Variants in SPATS2 observed in about 807,000 individuals in gnomAD.
SPATS2 encodes the protein spermatogenesis-associated serine-rich protein 2.
Under a neutral mutation model 63.7 loss-of-function variants are expected in SPATS2, and 38 were observed. That is an observed-to-expected ratio of 0.60 (90% CI 0.46 to 0.78). The LOEUF is 0.78. Among genes scored for constraint, SPATS2 ranks in the 30% least tolerant of loss-of-function variants. SPATS2 has a pLI of 0.00. For missense variants in SPATS2, 588 were observed against 666.2 expected, an observed-to-expected ratio of 0.88 and a Z score of 1.29; for synonymous variants, 207 against 232.9, an observed-to-expected ratio of 0.89 and a Z score of 1.01.
intron 2 of SPATS2, among the ~76,000 whole-genome samples, chr12:49,456,565 T>C (rs573403784): frequency 3.9e-5 from 6 of 152,340 alleles, no homozygotes; most frequent in African/African-American, 1.4e-4. Flanking sequence ...TGTCTTATAA[T>C]TTTAATAGCA....
chr12:49,382,656 G>A (rs1944243064), intron 2 of SPATS2, among the ~76,000 whole-genome samples: 1 of 152,124 alleles, frequency 6.6e-6, no homozygotes, highest in East Asian at 1.9e-4. Flanking sequence ...CCTTCAGATT[G>A]TTCTGCTTAC....
intron 3 of SPATS2, among the ~76,000 whole-genome samples, chr12:49,464,718 AT>A (rs1453860583): frequency 6.6e-6 from 1 of 151,588 alleles, no homozygotes; most frequent in African/African-American, 2.4e-5. Context: ...AGTCCCAGCT[AT>A]TTGGGAGGCT....
At chr12:49,508,901 T>C (rs1016598171) in intron 9 of SPATS2, among the ~76,000 whole-genome samples, 2 of 152,072 alleles carry the variant, frequency 1.3e-5, no homozygotes, top group Admixed American at 6.5e-5. Flanking sequence ...CCATTTCTCC[T>C]AAAAATACAA....
At chr12:49,393,610 G>A (rs1639319756) in intron 2 of SPATS2, among the ~76,000 whole-genome samples, 2 of 152,148 alleles carry the variant, frequency 1.3e-5, no homozygotes, top group Non-Finnish European at 1.5e-5. Context: ...TTTAGAGTGT[G>A]ATTATAAATT....
intron 12 of SPATS2, among the ~76,000 whole-genome samples, chr12:49,524,150 G>A (rs964813851): frequency 7.2e-5 from 11 of 151,934 alleles, no homozygotes; most frequent in Non-Finnish European, 1.3e-4. Flanking sequence ...AAGAAATTTG[G>A]CAATATACAT....
At chr12:49,391,006 A>G (rs1404779656) in intron 2 of SPATS2, among the ~76,000 whole-genome samples, 1 of 152,154 alleles carries the variant, frequency 6.6e-6, no homozygotes, top group Admixed American at 6.5e-5. Flanking sequence ...TGATATGGCA[A>G]AATAGGTATG....
chr12:49,461,558 C>G (rs1043989184), intron 3 of SPATS2, among the ~76,000 whole-genome samples: 1 of 152,136 alleles, frequency 6.6e-6, no homozygotes, highest in African/African-American at 2.4e-5. Flanking sequence ...TCTAGAATAG[C>G]TGCAAAAATT....
intron 2 of SPATS2, among the ~76,000 whole-genome samples, chr12:49,433,386 C>T (rs138072455): frequency 2.6e-5 from 4 of 152,216 alleles, no homozygotes; most frequent in Admixed American, 6.5e-5. Flanking sequence ...TGGTCTCGAA[C>T]TCCTGACCTC....
At position 49,526,220 on chromosome 12, in the gene SPATS2, C is replaced by A; in HGVS notation, c.1603C>A (p.Pro535Thr). The A allele has an allele frequency of 6.2e-7, 1 of 1,613,824 alleles. No individual in the cohort carries two copies. The highest frequency in any genetic ancestry group is 2.2e-5 in the East Asian group (1 of 44,882). Residue 535 changes from proline to threonine, a missense_variant, in exon 14 of 14, where the codon CCC becomes ACC. Transcript: ENST00000552918. ...SFKKGLPQRKPRTSQTEAVNS is the reference protein window; with the variant it reads ...SFKKGLPQRKTRTSQTEAVNS ...CAAAAAGGGGCTCCCCCAGCGCAAACCCAGGACCTCTCAGACTGAAGCCGT... is the reference window on the plus strand; with the variant it reads ...CAAAAAGGGGCTCCCCCAGCGCAAAACCAGGACCTCTCAGACTGAAGCCGT...
At chr12:49,511,531 C>T (rs913063694) in intron 9 of SPATS2, among the ~76,000 whole-genome samples, 15 of 152,150 alleles carry the variant, frequency 9.9e-5, no homozygotes, top group South Asian at 4.1e-4. Context: ...TTGAGAGAAG[C>T]TTAGTACCCT....
chr12:49,440,463 A>G (rs1945397129), intron 2 of SPATS2, among the ~76,000 whole-genome samples: 1 of 147,420 alleles, frequency 6.8e-6, no homozygotes, highest in Non-Finnish European at 1.5e-5. Context: ...GTTGAATTTC[A>G]TGGCATTAAT....
At chr12:49,460,692 C>T in intron 2 of SPATS2, 78 bp from the exon 3 acceptor site, 1 of 290,176 alleles carries the variant, frequency 3.4e-6, no homozygotes, top group Non-Finnish European at 6.3e-6. Flanking sequence ...ACAAAAGAAA[C>T]CTTGTGGATA....
chr12:49,523,912 A>G (rs1471318783), intron 12 of SPATS2, among the ~76,000 whole-genome samples: 1 of 152,056 alleles, frequency 6.6e-6, no homozygotes, highest in South Asian at 2.1e-4. Flanking sequence ...AGATTGTGCC[A>G]CTGCACTCCA....
chr12:49,498,145 A>ATATATATATATATATATATAT (rs1555191173), intron 8 of SPATS2, among the ~76,000 whole-genome samples: 1 of 98,980 alleles, frequency 1.0e-5, no homozygotes, highest in African/African-American at 4.9e-5. Context: ...AAAAAAAAAA[A>ATATATATATATATATATATAT]ATATATATAT....
Position 49,476,716 on chromosome 12 carries a change from G to A in SPATS2, c.26-7874G>A, listed in dbSNP as rs146296594. Among the ~76,000 whole-genome samples, 45 of 152,286 alleles carry A rather than the reference G, an allele frequency of 3.0e-4. No individual in the cohort carries two copies. The East Asian group carries it at 8.3e-3, about 28-fold the overall frequency. ...TGAGGGGGACAAGGGAACTTTTCCT[G>A]TTGCACTAAGAAGGTTTGTGAAAGG... is the stretch of plus-strand genomic sequence containing the variant. On this transcript the variant is annotated intron_variant, in intron 3 of 13. Coordinates refer to ENST00000552918, the MANE Select transcript of SPATS2 (RefSeq NM_023071.4).
chr12:49,367,181 C>T (rs1006023981), upstream of SPATS2: 2 of 172,504 alleles, frequency 1.2e-5, no homozygotes, highest in Admixed American at 6.3e-5. Flanking sequence ...GCCGTCTCGC[C>T]GCTCGAGCCG....
At chr12:49,429,789 T>C (rs1300304648) in intron 2 of SPATS2, among the ~76,000 whole-genome samples, 12 of 144,964 alleles carry the variant, frequency 8.3e-5, no homozygotes, top group East Asian at 4.0e-4. Flanking sequence ...TCTTCTTCTT[T>C]TTTTTTTTTT....
At chr12:49,422,026 G>T (rs996187139) in intron 2 of SPATS2, among the ~76,000 whole-genome samples, 16 of 152,110 alleles carry the variant, frequency 1.1e-4, no homozygotes, top group African/African-American at 3.9e-4. Context: ...CTTTTTACCT[G>T]GGTGGCTGAA....
Position 49,526,219 on chromosome 12 carries a change from A to G in SPATS2, c.1602A>G (p.Lys534=). Residue 534 remains lysine, a synonymous_variant, in exon 14 of 14, where the codon AAA becomes AAG. Transcript: ENST00000552918. The part of the protein sequence containing the change: ...PSFKKGLPQR[K]PRTSQTEAVN... The stretch of plus-strand genomic sequence containing the variant: ...TCAAAAAGGGGCTCCCCCAGCGCAA[A>G]CCCAGGACCTCTCAGACTGAAGCCG... 1 of 1,613,844 alleles carries G rather than the reference A, an allele frequency of 6.2e-7. No individual in the cohort carries two copies. The highest frequency in any genetic ancestry group is 8.5e-7 in the Non-Finnish European group (1 of 1,179,916).
Sources: gnomAD v4.1 joint callset for allele counts (sites outside exome capture counted in the v4.1 genomes callset) on GRCh38, gnomAD v4.1.1 for gene constraint, MANE v1.5 for transcripts, NCBI Gene and HGNC (gene_info 2026-07-23, HGNC 2026-07-21) for gene names.